Variants in SDK1 observed in about 807,000 individuals in gnomAD.
SDK1 encodes protein sidekick-1.
A neutral mutation model predicts 245.5 loss-of-function variants in SDK1; 157 were observed. The observed-to-expected ratio is 0.64, with a 90% CI of 0.56 to 0.73. SDK1 has a LOEUF of 0.73. Ranked by LOEUF, SDK1 falls within the 30% of genes least tolerant of loss-of-function variation. SDK1 has a pLI of 0.00. For missense variants in SDK1, 3,583 were observed against 3,002.3 expected (o/e 1.19, Z -4.52); for synonymous variants, 1,647 against 1,278.5 (o/e 1.29, Z -6.15).
At position 3,442,417 on chromosome 7, in the gene SDK1, T is replaced by C. The variant is rs73293152; in HGVS notation, c.298+140533T>C. On this transcript the variant is annotated intron_variant, in intron 1 of 44. Transcript: ENST00000404826. ...CACAAATGGAATGGTAACTGGGTCA[T>C]TGCAAATTAACCCTTTCTGAAAGAC... Among the ~76,000 whole-genome samples the C allele has an allele frequency of 9.2e-3, 1,404 of 152,336 alleles. 27 individuals carry two copies. Among genetic ancestry groups the C allele is most frequent in the African/African-American group, 0.032 (1,321 of 41,568 alleles).
At chr7:3,824,664 C>T (rs78216202) in intron 5 of SDK1, among the ~76,000 whole-genome samples, 2,629 of 152,298 alleles carry the variant, frequency 0.017, 83 homozygotes, top group African/African-American at 0.059. Context: ...AATACATTTT[C>T]ATCAACAACC....
At chr7:4,017,941 C>T (rs911484280) in intron 17 of SDK1, among the ~76,000 whole-genome samples, 5 of 152,136 alleles carry the variant, frequency 3.3e-5, no homozygotes, top group South Asian at 2.1e-4. Context: ...GATCCGGGTG[C>T]GGCGTGGCAG....
At chr7:3,809,709 G>A (rs572564656) in intron 4 of SDK1, among the ~76,000 whole-genome samples, 4 of 152,276 alleles carry the variant, frequency 2.6e-5, no homozygotes, top group South Asian at 2.1e-4. Flanking sequence ...CGGCTGCTGC[G>A]TATGCTTGGT....
intron 4 of SDK1, among the ~76,000 whole-genome samples, chr7:3,723,890 ACACG>A (rs1778916515): frequency 7.2e-6 from 1 of 138,006 alleles, no homozygotes; most frequent in South Asian, 2.2e-4. Flanking sequence ...ATATATATAT[ACACG>A]TGTATATACA....
At chr7:3,594,334 T>C (rs1204903544) in intron 1 of SDK1, among the ~76,000 whole-genome samples, 5 of 152,262 alleles carry the variant, frequency 3.3e-5, no homozygotes, top group Non-Finnish European at 7.3e-5. Context: ...ATACCACATA[T>C]TGCTTATCCA....
chr7:3,494,679 A>G (rs901736738), intron 1 of SDK1, among the ~76,000 whole-genome samples: 1 of 152,220 alleles, frequency 6.6e-6, no homozygotes, highest in Non-Finnish European at 1.5e-5. Context: ...ACTCTGTTAA[A>G]GAAGTCAGAG....
At chr7:3,521,271 G>A (rs1314180164) in intron 1 of SDK1, among the ~76,000 whole-genome samples, 1 of 152,146 alleles carries the variant, frequency 6.6e-6, no homozygotes, top group Non-Finnish European at 1.5e-5. Flanking sequence ...GAGATCATGT[G>A]ATTAGATTGG....
intron 1 of SDK1, among the ~76,000 whole-genome samples, chr7:3,438,680 C>G (rs1267480844): frequency 6.6e-6 from 1 of 152,070 alleles, no homozygotes. Flanking sequence ...ATCTCTATTG[C>G]CAACCCAAGT....
At chr7:3,579,537 G>A (rs772925379) in intron 1 of SDK1, among the ~76,000 whole-genome samples, 1 of 152,156 alleles carries the variant, frequency 6.6e-6, no homozygotes, top group East Asian at 1.9e-4. Context: ...AATAATAAGA[G>A]CCATCTATGA....
Position 3,971,448 on chromosome 7 carries a change from G to A in SDK1, c.1715-18G>A. The A allele has an allele frequency of 2.5e-6, 4 of 1,577,374 alleles. No individual in the cohort carries two copies. The East Asian group carries it at 9.0e-5, about 35-fold the overall frequency. On this transcript the variant is annotated intron_variant, in intron 11 of 44. Coordinates refer to ENST00000404826, the MANE Select transcript of SDK1 (RefSeq NM_152744.4). ...AAACTTGTCATTTCGTCTGACTCGT[G>A]ACTTGTGTTTTTTTCAGATCGGACG... is the stretch of plus-strand genomic sequence containing the variant.
chr7:4,018,861 G>C (rs746560757), intron 17 of SDK1, among the ~76,000 whole-genome samples: 2 of 152,168 alleles, frequency 1.3e-5, no homozygotes, highest in Non-Finnish European at 2.9e-5. Context: ...TGTAGGAGGC[G>C]GGGAGCAGAG....
At chr7:3,892,029 G>A (rs542274681) in intron 5 of SDK1, among the ~76,000 whole-genome samples, 6 of 152,194 alleles carry the variant, frequency 3.9e-5, no homozygotes, top group Admixed American at 2.6e-4. Flanking sequence ...GTTATCATAG[G>A]TTATTTCTTT....
chr7:3,392,914 C>G (rs147155494), intron 1 of SDK1, among the ~76,000 whole-genome samples: 35 of 148,642 alleles, frequency 2.4e-4, no homozygotes, highest in African/African-American at 7.9e-4. Flanking sequence ...AAATATTGCT[C>G]ATGATGAACA....
At chr7:3,977,632 A>G (rs1438456406) in intron 13 of SDK1, among the ~76,000 whole-genome samples, 1 of 152,194 alleles carries the variant, frequency 6.6e-6, no homozygotes, top group Non-Finnish European at 1.5e-5. Context: ...CGACAGTAGC[A>G]CTTCCTGCGG....
intron 22 of SDK1, among the ~76,000 whole-genome samples, chr7:4,109,036 C>G (rs964498499): frequency 6.6e-6 from 1 of 152,156 alleles, no homozygotes; most frequent in African/African-American, 2.4e-5. Flanking sequence ...GAATCCTGTT[C>G]CATGGTGCAG....
chr7:4,041,043 T>C (rs543924674), intron 17 of SDK1, among the ~76,000 whole-genome samples: 19 of 152,376 alleles, frequency 1.2e-4, no homozygotes, highest in African/African-American at 4.1e-4. Context: ...TTACCCTCAC[T>C]ATCTGCCTAA....
At chr7:3,959,056 A>C in intron 8 of SDK1, 42 bp downstream of exon 8, 1 of 1,466,786 alleles carries the variant, frequency 6.8e-7, no homozygotes. Flanking sequence ...CATGACTGGG[A>C]GGAAGGGAAA....
intron 1 of SDK1, among the ~76,000 whole-genome samples, chr7:3,600,695 C>G (rs1562593548): frequency 6.6e-6 from 1 of 151,518 alleles, no homozygotes; most frequent in Non-Finnish European, 1.5e-5. Context: ...ACTACAGGCA[C>G]CCACCACCAC....
chr7:3,913,703 T>C (rs936323870), intron 5 of SDK1, among the ~76,000 whole-genome samples: 3 of 152,138 alleles, frequency 2.0e-5, no homozygotes, highest in African/African-American at 7.2e-5. Context: ...CCCCCTTGAG[T>C]ATGTTCACCA....
Sources: allele counts gnomAD v4.1 joint callset (sites outside exome capture counted in the v4.1 genomes callset), GRCh38; gene constraint gnomAD v4.1.1; transcripts MANE v1.5; gene names NCBI Gene and HGNC (gene_info 2026-07-23, HGNC 2026-07-21).